The following FAT3 variants were observed in gnomAD, a reference collection of about 807,000 sequenced individuals.
FAT3 encodes the protein FAT atypical cadherin 3.
A neutral mutation model predicts 310.2 loss-of-function variants in FAT3; 95 were observed. The observed-to-expected ratio is 0.31, with a 90% CI of 0.26 to 0.36. The LOEUF is 0.36. FAT3 is among the 10% of genes least tolerant of loss of function. The pLI is 1.00. For synonymous variants in FAT3, 2,314 were observed against 2,192.9 expected, an observed-to-expected ratio of 1.06 and a Z score of -1.54; for missense variants, 5,408 against 5,715.6, an observed-to-expected ratio of 0.95 and a Z score of 1.74.
Position 92,353,519 on chromosome 11 carries a change from C to G in FAT3, c.1407C>G (p.Thr469=). The G allele has an allele frequency of 6.2e-7, 1 of 1,613,474 alleles. No individual in the cohort carries two copies. Among genetic ancestry groups the G allele is most frequent in the Non-Finnish European group, 8.5e-7 (1 of 1,179,756 alleles). The change falls in exon 2 of 28, where the codon ACC becomes ACG. Residue 469 remains threonine (T), a synonymous_variant. Coordinates refer to ENST00000525166, the MANE Select transcript of FAT3 (RefSeq NM_001367949.2). ...TISIEDANDH[T]PEFQQPLYDA... is the part of the protein sequence containing the mutation. ...GCATAGAAGATGCAAATGACCACAC[C>G]CCAGAATTTCAGCAACCACTGTATG...
At position 92,676,413 on chromosome 11, in the gene FAT3, T is replaced by C. The variant is rs115191994; in HGVS notation, c.3608-20971T>C. On this transcript the variant is annotated intron_variant, in intron 3 of 27. Coordinates refer to ENST00000525166, the MANE Select transcript of FAT3 (RefSeq NM_001367949.2). ...CACACAGAAATCAAAATAGTAAAGTTTGGACTGAAATCCAGTCTGCCTGGT... is the reference window on the plus strand; with the variant it reads ...CACACAGAAATCAAAATAGTAAAGTCTGGACTGAAATCCAGTCTGCCTGGT... 9.8e-3 allele frequency among the ~76,000 whole-genome samples: 1,491 copies of C among 152,268 alleles called. 24 individuals carry two copies. The highest frequency in any genetic ancestry group is 0.034 in the African/African-American group (1,396 of 41,536).
chr11:92,460,804 T>C (rs2011115611), intron 2 of FAT3, among the ~76,000 whole-genome samples: 1 of 152,218 alleles, frequency 6.6e-6, no homozygotes, highest in African/African-American at 2.4e-5. Flanking sequence ...TGAAGTATAA[T>C]TATGTTGTAG....
intron 1 of FAT3, among the ~76,000 whole-genome samples, chr11:92,295,651 G>T (rs1180011149): frequency 2.0e-5 from 3 of 151,996 alleles, no homozygotes; most frequent in African/African-American, 7.2e-5. Context: ...TTAAGTTACA[G>T]TTGGGAAATT....
intron 3 of FAT3, among the ~76,000 whole-genome samples, chr11:92,569,718 G>A (rs1174569089): frequency 6.6e-6 from 1 of 152,082 alleles, no homozygotes; most frequent in Admixed American, 6.6e-5. Flanking sequence ...AATGTAGTGG[G>A]AACCCCACTG....
intron 3 of FAT3, among the ~76,000 whole-genome samples, chr11:92,622,613 C>T (rs7945974): frequency 0.035 from 5,351 of 152,142 alleles, 319 homozygotes; most frequent in African/African-American, 0.12. Context: ...ATTTATATAT[C>T]AACTGTCTAG....
In FAT3 at chr11:92,891,156, T is replaced by G; in HGVS notation, c.*43T>G. The G allele has an allele frequency of 6.3e-7, 1 of 1,594,240 alleles. No individual in the cohort carries two copies. ...CTTCACCCTGTTTGTTACAGAAAAG[T>G]GGAAGCAGATTGGCTGGGCTTCTGT... is the stretch of plus-strand genomic sequence containing the variant. On this transcript the variant is annotated 3_prime_UTR_variant, in exon 28 of 28. Coordinates refer to ENST00000525166, the MANE Select transcript of FAT3 (RefSeq NM_001367949.2).
At chr11:92,789,800 A>T (rs962984093) in intron 7 of FAT3, 143 bp from the exon 8 acceptor site, 3 of 726,158 alleles carry the variant, frequency 4.1e-6, no homozygotes, top group African/African-American at 3.6e-5. Context: ...TGTTTTTATT[A>T]GTGAGTTTCC....
rs149466542 is a variant in FAT3 at position 92,895,952 on chromosome 11, T to C, written c.*4839T>C. 6.8e-6 allele frequency: 1 copy of C among 146,440 alleles called. No individual in the cohort carries two copies. The highest frequency in any genetic ancestry group is 2.5e-5 in the African/African-American group (1 of 39,670). The allele number at this position is 146,440 out of a possible 1,614,324, so 9.1% of individuals were successfully genotyped here. ...CACACACACACACAAGGATTTTAGA[T>C]TTGAAAATGATGTTTTTTACTCATT... On this transcript the variant is annotated 3_prime_UTR_variant, in exon 28 of 28. Transcript: ENST00000525166.
At chr11:92,386,664 CAA>C (rs1395198603) in intron 2 of FAT3, among the ~76,000 whole-genome samples, 2 of 152,146 alleles carry the variant, frequency 1.3e-5, no homozygotes, top group Non-Finnish European at 2.9e-5. Context: ...TGAGAGAAGA[CAA>C]GAGAAGATTC....
intron 3 of FAT3, among the ~76,000 whole-genome samples, chr11:92,693,338 G>T (rs534258198): frequency 6.6e-6 from 1 of 152,264 alleles, no homozygotes; most frequent in East Asian, 1.9e-4. Context: ...AATTTACTGT[G>T]CCCAGTGGGT....
chr11:92,264,762 G>A (rs1945885816), intron 1 of FAT3, among the ~76,000 whole-genome samples: 1 of 152,134 alleles, frequency 6.6e-6, no homozygotes, highest in Non-Finnish European at 1.5e-5. Flanking sequence ...TCCTTGTGGA[G>A]GTCCCAGAAC....
chr11:92,418,951 A>G (rs535303778), intron 2 of FAT3, among the ~76,000 whole-genome samples: 3 of 152,266 alleles, frequency 2.0e-5, no homozygotes, highest in Admixed American at 6.5e-5. Flanking sequence ...AAACATTTTT[A>G]TAGTATCTGG....
chr11:92,637,151 A>G (rs892705896), intron 3 of FAT3, among the ~76,000 whole-genome samples: 1 of 152,198 alleles, frequency 6.6e-6, no homozygotes, highest in African/African-American at 2.4e-5. Flanking sequence ...ACAAAAGGGA[A>G]AAGACATTTC....
chr11:92,679,014 A>G (rs1254431064), intron 3 of FAT3, among the ~76,000 whole-genome samples: 1 of 152,018 alleles, frequency 6.6e-6, no homozygotes, highest in Non-Finnish European at 1.5e-5. Flanking sequence ...ATGTGTACAC[A>G]TTTTTTAGCA....
At chr11:92,469,583 C>T (rs1418975809) in intron 2 of FAT3, among the ~76,000 whole-genome samples, 5 of 151,708 alleles carry the variant, frequency 3.3e-5, no homozygotes, top group African/African-American at 1.2e-4. Flanking sequence ...GGTGCGATCT[C>T]GGCTCACTGC....
chr11:92,659,527 ACACCTT>A (rs1205763256), intron 3 of FAT3, among the ~76,000 whole-genome samples: 2 of 152,140 alleles, frequency 1.3e-5, no homozygotes, highest in African/African-American at 4.8e-5. Flanking sequence ...ATATTATCTT[ACACCTT>A]TTCTCACACT....
At chr11:92,765,730 C>T (rs1946289582) in intron 6 of FAT3, among the ~76,000 whole-genome samples, 1 of 151,318 alleles carries the variant, frequency 6.6e-6, no homozygotes, top group Non-Finnish European at 1.5e-5. Flanking sequence ...ACAACTATTG[C>T]ATTACTCGTA....
chr11:92,844,270 G>A lies in FAT3; in HGVS notation c.10903G>A (p.Val3635Met), dbSNP rs1271937934. 1.9e-6 allele frequency: 3 copies of A among 1,613,970 alleles called. No homozygotes were observed. Among genetic ancestry groups the A allele is most frequent in the Non-Finnish European group, 2.5e-6 (3 of 1,179,894 alleles). The change falls in exon 19 of 28, where the codon GTG becomes ATG. Residue 3635 changes from valine to methionine, a missense_variant. By Grantham distance (21) the Val-to-Met change is conservative. This residue lies in a region of FAT3 where 4,588 missense variants were observed against 4,809.8 expected (regional missense o/e 0.95). Transcript: ENST00000525166. Reference protein sequence around the residue: ...GRFQVPIDVVVHVEQLVHEML... With the variant: ...GRFQVPIDVVMHVEQLVHEML... ...CTTCCAGGTACCCATTGATGTGGTC[G>A]TGCATGTGGAGCAGTTGGTGCATGA... is the stretch of plus-strand genomic sequence containing the variant.
chr11:92,889,325 G>T, intron 26 of FAT3, 77 bp downstream of exon 26: 1 of 620,368 alleles, frequency 1.6e-6, no homozygotes, highest in South Asian at 2.0e-5. Flanking sequence ...TGATTTTAAT[G>T]GATTGGCCAC....
Sources: gnomAD v4.1 joint callset for allele counts (sites outside exome capture counted in the v4.1 genomes callset) on GRCh38, gnomAD v4.1.1 for gene constraint, gnomAD v4.1.1 regional missense constraint, MANE v1.5 for transcripts, NCBI Gene and HGNC (gene_info 2026-07-23, HGNC 2026-07-21) for gene names.